Variants in NAA25 observed in about 807,000 individuals in gnomAD.
The protein encoded by NAA25 is N-alpha-acetyltransferase 25, NatB auxiliary subunit.
Under a neutral mutation model 132.5 loss-of-function variants are expected in NAA25, and 30 were observed. That is an observed-to-expected ratio of 0.23 (90% CI 0.17 to 0.31). The LOEUF is 0.31. NAA25 is among the 10% of genes least tolerant of loss of function. The pLI is 1.00. For missense variants in NAA25, 771 were observed against 1,150.4 expected, an observed-to-expected ratio of 0.67 and a Z score of 4.77; for synonymous variants, 359 against 401.9, an observed-to-expected ratio of 0.89 and a Z score of 1.28.
At chr12:112,042,132 A>G in intron 19 of NAA25, 28 bp from the exon 20 acceptor site, 2 of 1,186,770 alleles carry the variant, frequency 1.7e-6, no homozygotes, top group Non-Finnish European at 2.3e-6. Context: ...AAAATGAAAA[A>G]CTTTCAATTC....
chr12:112,098,347 T>C (rs2079245611), intron 1 of NAA25, among the ~76,000 whole-genome samples: 3 of 152,068 alleles, frequency 2.0e-5, no homozygotes, highest in Admixed American at 1.3e-4. Context: ...TAAAACACTT[T>C]ACCACATTCA....
chr12:112,064,104 C>A (rs904954106), intron 11 of NAA25: 1 of 152,148 alleles, frequency 6.6e-6, no homozygotes, highest in Non-Finnish European at 1.5e-5. Context: ...ACTCATCCTG[C>A]AGTTTAACAT....
chr12:112,075,854 T>C, intron 7 of NAA25, 65 bp from the exon 8 acceptor site: 1 of 1,248,962 alleles, frequency 8.0e-7, no homozygotes. Flanking sequence ...CAGAATAGAG[T>C]CCAACCACAA....
chr12:112,080,689 T>C (rs911318266), intron 5 of NAA25, among the ~76,000 whole-genome samples: 3 of 152,032 alleles, frequency 2.0e-5, no homozygotes, highest in Non-Finnish European at 4.4e-5. Flanking sequence ...TTAGTAGAGA[T>C]GGGGTTTCAC....
At chr12:112,046,771 T>C (rs988871717) in intron 17 of NAA25, among the ~76,000 whole-genome samples, 1 of 152,244 alleles carries the variant, frequency 6.6e-6, no homozygotes, top group African/African-American at 2.4e-5. Context: ...TTTATTGCTG[T>C]AAGATGTGTT....
chr12:112,060,314 C>T lies in NAA25; in HGVS notation c.1403G>A (p.Cys468Tyr), dbSNP rs1249101436. Residue 468 changes from cysteine to tyrosine, a missense_variant, in exon 13 of 24, where the codon TGT (cysteine) becomes TAT (tyrosine). This residue lies in a region of NAA25 where 417 missense variants were observed against 733.8 expected (regional missense o/e 0.57). Transcript: ENST00000261745. ...KTELQFSDYY[C>Y]LLAVHALIDV... ...AATAAGCGCATGGACAGCAAGGAGA[C>T]AGTAATAGTCAGAAAATTGCAATTC... The T allele has an allele frequency of 6.2e-7, 1 of 1,613,424 alleles. No individual in the cohort carries two copies. The highest frequency in any genetic ancestry group is 8.5e-7 in the Non-Finnish European group (1 of 1,179,690).
intron 15 of NAA25, among the ~76,000 whole-genome samples, chr12:112,048,683 C>G (rs1013681622): frequency 3.3e-5 from 5 of 152,202 alleles, no homozygotes; most frequent in African/African-American, 1.2e-4. Flanking sequence ...GCCACCATCA[C>G]ATAAGCCTTC....
chr12:112,053,181 T>C (rs911617045), intron 15 of NAA25, among the ~76,000 whole-genome samples: 20 of 152,226 alleles, frequency 1.3e-4, no homozygotes, highest in African/African-American at 4.8e-4. Context: ...TAAATAAAAG[T>C]AACAGAGAGC....
intron 2 of NAA25, among the ~76,000 whole-genome samples, chr12:112,091,094 T>G (rs1216914822): frequency 6.8e-6 from 1 of 148,000 alleles, no homozygotes; most frequent in Non-Finnish European, 1.5e-5. Flanking sequence ...GTGGTGAGAC[T>G]CCATCTCTAC....
intron 4 of NAA25, among the ~76,000 whole-genome samples, chr12:112,086,102 A>ACACACAAC (rs796241170): frequency 8.3e-6 from 1 of 120,788 alleles, no homozygotes; most frequent in East Asian, 3.0e-4. Flanking sequence ...ACACACACAC[A>ACACACAAC]CCCATAACCA....
At chr12:112,082,806 G>T (rs1199005547) in intron 4 of NAA25, among the ~76,000 whole-genome samples, 12 of 141,832 alleles carry the variant, frequency 8.5e-5, no homozygotes, top group South Asian at 2.4e-4. Flanking sequence ...GGGGTGCGGG[G>T]TGTGGTAACG....
chr12:112,068,750 GA>G (rs1202428060), intron 11 of NAA25, 129 bp downstream of exon 11: 4 of 569,252 alleles, frequency 7.0e-6, no homozygotes, highest in Non-Finnish European at 1.2e-5. Context: ...TACTTAGCTT[GA>G]CAGGGCAGTT....
rs1394085961 is a variant in NAA25, at chr12:112,075,689, G to C, written c.765C>G (p.Leu255=). The change falls in exon 8 of 24, where the codon CTC becomes CTG. Residue 255 remains leucine, a synonymous_variant. Coordinates refer to ENST00000261745, the MANE Select transcript of NAA25 (RefSeq NM_024953.4). ...WPECNALSRR[L]LLKNSDDWQF... The stretch of plus-strand genomic sequence containing the variant: ...AAGCTTTTACTCACTTTTTTAGTAA[G>C]AGGCGCCGGGAAAGGGCATTGCACT... The C allele has an allele frequency of 1.2e-6, 2 of 1,613,654 alleles. No individual in the cohort carries two copies. Among genetic ancestry groups the C allele is most frequent in the Non-Finnish European group, 8.5e-7 (1 of 1,179,694 alleles).
At chr12:112,061,099 G>A (rs2078622357) in intron 12 of NAA25, 82 bp downstream of exon 12, 2 of 1,046,140 alleles carry the variant, frequency 1.9e-6, no homozygotes, top group Admixed American at 2.1e-5. Flanking sequence ...ATTAAAACAG[G>A]GTGCTACAGG....
intron 1 of NAA25, among the ~76,000 whole-genome samples, chr12:112,101,705 G>A (rs944593763): frequency 1.3e-4 from 20 of 151,132 alleles, no homozygotes; most frequent in African/African-American, 4.4e-4. Context: ...TGCAGCGAGT[G>A]GAGATCACGC....
chr12:112,090,925 G>A, intron 2 of NAA25, 61 bp from the exon 3 acceptor site: 2 of 1,486,430 alleles, frequency 1.3e-6, no homozygotes, highest in East Asian at 2.3e-5. Context: ...ATGAACCAAA[G>A]AAAGCCGATC....
chr12:112,063,191 A>G lies in NAA25; in HGVS notation c.1150-1803T>C, dbSNP rs16941862. On this transcript the variant is annotated intron_variant, in intron 11 of 23. Coordinates refer to ENST00000261745, the MANE Select transcript of NAA25 (RefSeq NM_024953.4). ...ACGTTGCCAAGAACACTGAAATCTA[A>G]CAGTATGCAATGAGGCAGACCCCAA... is the stretch of plus-strand genomic sequence containing the variant. Among the ~76,000 whole-genome samples, 722 of 152,358 alleles carry G rather than the reference A, an allele frequency of 4.7e-3. 9 individuals are homozygous for G. Among genetic ancestry groups the G allele is most frequent in the African/African-American group, 0.016 (686 of 41,590 alleles).
chr12:112,042,337 T>C (rs1265167940), intron 19 of NAA25: 3 of 239,648 alleles, frequency 1.3e-5, no homozygotes, highest in Non-Finnish European at 2.4e-5. Flanking sequence ...TAAAATTCCT[T>C]AAGAGAGCTT....
intron 17 of NAA25, among the ~76,000 whole-genome samples, chr12:112,046,359 T>C (rs902146851): frequency 6.6e-6 from 1 of 152,266 alleles, no homozygotes; most frequent in African/African-American, 2.4e-5. Flanking sequence ...CTCCCGACTG[T>C]GCCTGTTCCT....
Sources: gnomAD v4.1 joint callset for allele counts (sites outside exome capture counted in the v4.1 genomes callset) on GRCh38, gnomAD v4.1.1 for gene constraint, gnomAD v4.1.1 regional missense constraint, MANE v1.5 for transcripts, NCBI Gene and HGNC (gene_info 2026-07-23, HGNC 2026-07-21) for gene names.